Variants in CCNH observed in about 807,000 individuals in gnomAD.
The protein encoded by CCNH is cyclin-H.
In CCNH, 31 loss-of-function variants were observed where a neutral mutation model predicts 41.9. That is an observed-to-expected ratio of 0.74 (90% CI 0.56 to 1.00). The LOEUF is 1.00. CCNH is among the 50% of genes least tolerant of loss of function. CCNH has a pLI of 0.00. For missense variants in CCNH, 362 were observed against 388.4 expected (o/e 0.93, Z 0.57); for synonymous variants, 138 against 136.1 (o/e 1.01, Z -0.10).
chr5:87,351,903 AT>A (rs1580331795), intron 9 of CCNH, among the ~76,000 whole-genome samples: 2 of 151,754 alleles, frequency 1.3e-5, no homozygotes, highest in African/African-American at 2.4e-5. Context: ...CAGTGGATTG[AT>A]TGTATTTTAC....
downstream of CCNH, among the ~76,000 whole-genome samples, chr5:87,314,467 A>T (rs539722215): frequency 3.3e-5 from 5 of 152,344 alleles, no homozygotes; most frequent in South Asian, 8.3e-4. Flanking sequence ...AAATGACAGG[A>T]TGGAAGAAGA....
intron 3 of CCNH, among the ~76,000 whole-genome samples, chr5:87,408,599 T>G (rs2112578570): frequency 6.6e-6 from 1 of 152,248 alleles, no homozygotes; most frequent in Non-Finnish European, 1.5e-5. Flanking sequence ...AAAGGAACAT[T>G]GTGGAAGGCC....
chr5:87,408,082 A>G lies in CCNH; in HGVS notation c.419T>C (p.Leu140Pro), dbSNP rs1199203558. ...TAGTTCATATTCCAGTATCTGTTCA[A>G]GTGCCTTCTCCTGTCCAAGAGGACT... is the stretch of plus-strand genomic sequence containing the variant. ...RESPLGQEKA[L>P]EQILEYELLL... Residue 140 changes from leucine to proline, a missense_variant, in exon 4 of 9, where the codon CTT becomes CCT. Transcript: ENST00000256897. The G allele has an allele frequency of 6.2e-7, 1 of 1,613,282 alleles. No individual in the cohort carries two copies. The highest frequency in any genetic ancestry group is 1.7e-5 in the Admixed American group (1 of 60,012).
chr5:87,324,218 A>G (rs1190089997), intron 9 of CCNH, among the ~76,000 whole-genome samples: 2 of 152,202 alleles, frequency 1.3e-5, no homozygotes, highest in Non-Finnish European at 2.9e-5. Context: ...ACACAGATAC[A>G]AGAGATTGAA....
At chr5:87,313,852 A>G (rs573027861), downstream of CCNH, among the ~76,000 whole-genome samples, 1 of 152,304 alleles carries the variant, frequency 6.6e-6, no homozygotes, top group African/African-American at 2.4e-5. Flanking sequence ...TTAAAGGAGT[A>G]GTGTGATCAA....
At chr5:87,379,266 A>T (rs952799622), upstream of CCNH, among the ~76,000 whole-genome samples, 2 of 152,212 alleles carry the variant, frequency 1.3e-5, no homozygotes, top group Non-Finnish European at 2.9e-5. Flanking sequence ...AGGATGACAC[A>T]GAAGTGCAGC....
At chr5:87,335,819 T>C (rs1372867220) in intron 9 of CCNH, among the ~76,000 whole-genome samples, 1 of 152,180 alleles carries the variant, frequency 6.6e-6, no homozygotes, top group African/African-American at 2.4e-5. Context: ...TCAACGCATG[T>C]TGTTACAAAA....
chr5:87,364,099 A>G (rs977125952), intron 9 of CCNH, among the ~76,000 whole-genome samples: 12 of 152,096 alleles, frequency 7.9e-5, no homozygotes, highest in Admixed American at 6.6e-5. Context: ...TAGTATTATC[A>G]GTAATCCATC....
chr5:87,366,758 G>A (rs576019165), intron 9 of CCNH, among the ~76,000 whole-genome samples: 1 of 152,316 alleles, frequency 6.6e-6, no homozygotes, highest in South Asian at 2.1e-4. Context: ...AAGACTGGGC[G>A]CAGTGGCTCA....
chr5:87,312,102 T>C, the CCNH span, among the ~76,000 whole-genome samples: 69 of 152,372 alleles, frequency 4.5e-4, no homozygotes, highest in Non-Finnish European at 6.0e-4. Context: ...GATCACTGCA[T>C]GATGCAACCT....
rs527751283 is a variant in CCNH at position 87,338,411 on chromosome 5, A to C, written c.*91-19514T>G. ...CAGTGGCGTGATCTCGGCTCACTGC[A>C]ACCTCCACCTCCCAGGTTCAAGCAT... is the stretch of plus-strand genomic sequence containing the variant. On this transcript the variant is annotated intron_variant and NMD_transcript_variant, in intron 9 of 9. Coordinates refer to the CCNH transcript ENST00000645953. Among the ~76,000 whole-genome samples the C allele has an allele frequency of 1.9e-3, 280 of 148,526 alleles. 1 individual carries two copies. Among genetic ancestry groups the C allele is most frequent in the Non-Finnish European group, 2.3e-3 (155 of 67,252 alleles).
Position 87,369,920 on chromosome 5 carries a change from A to G in CCNH, c.*90+22850T>C, listed in dbSNP as rs764032034. The stretch of plus-strand genomic sequence containing the variant: ...GCAGAGGTAAGATTACTGTTTCTCA[A>G]ACTACAGTATACTTTTATGTTAGCC... On this transcript the variant is annotated intron_variant and NMD_transcript_variant, in intron 9 of 9. Transcript: ENST00000645953. 1.9e-6 allele frequency: 3 copies of G among 1,558,442 alleles called. No individual in the cohort carries two copies. Among genetic ancestry groups the G allele is most frequent in the African/African-American group, 2.7e-5 (2 of 73,554 alleles).
intron 9 of CCNH, among the ~76,000 whole-genome samples, chr5:87,328,495 A>G (rs1757394057): frequency 6.6e-6 from 1 of 152,212 alleles, no homozygotes; most frequent in Non-Finnish European, 1.5e-5. Context: ...AAAGTGTAGC[A>G]TTTTTAAAAA....
downstream of CCNH, among the ~76,000 whole-genome samples, chr5:87,315,109 TAAA>T (rs1232591211): frequency 2.6e-5 from 4 of 152,238 alleles, no homozygotes; most frequent in Non-Finnish European, 5.9e-5. Flanking sequence ...ACTATGTTCA[TAAA>T]GAAGTACAGA....
intron 2 of CCNH, among the ~76,000 whole-genome samples, chr5:87,409,629 C>CGT (rs71610500): frequency 0.27 from 38,702 of 145,864 alleles, 5,077 homozygotes; most frequent in East Asian, 0.5. Flanking sequence ...TTTAAAAATA[C>CGT]GTGTGTGTGT....
At chr5:87,411,692 G>T (rs1376410488) in intron 1 of CCNH, among the ~76,000 whole-genome samples, 1 of 151,936 alleles carries the variant, frequency 6.6e-6, no homozygotes, top group African/African-American at 2.4e-5. Context: ...TGATTGGAAA[G>T]CTTCCAACAT....
chr5:87,386,078 C>G (rs1762044208), intron 9 of CCNH, among the ~76,000 whole-genome samples: 1 of 152,038 alleles, frequency 6.6e-6, no homozygotes, highest in Non-Finnish European at 1.5e-5. Flanking sequence ...TTGCTCCTCA[C>G]AGCCTTGCCA....
At chr5:87,331,636 T>G in intron 9 of CCNH, 1 of 1,013,802 alleles carries the variant, frequency 9.9e-7, no homozygotes, top group Non-Finnish European at 1.5e-6. Context: ...GTCAAATGAT[T>G]TAATCAGTGA....
intron 9 of CCNH, among the ~76,000 whole-genome samples, chr5:87,386,097 TGG>T (rs1178728728): frequency 1.3e-5 from 2 of 152,046 alleles, no homozygotes; most frequent in Non-Finnish European, 2.9e-5. Context: ...CAGAACTCAT[TGG>T]GTACTATACT....
Sources: gnomAD v4.1 joint callset for allele counts (sites outside exome capture counted in the v4.1 genomes callset) on GRCh38, gnomAD v4.1.1 for gene constraint, MANE v1.5 for transcripts, NCBI Gene and HGNC (gene_info 2026-07-23, HGNC 2026-07-21) for gene names.